SRFBP1: variants seen among roughly 807,000 people sequenced by gnomAD.
The protein encoded by SRFBP1 is serum response factor binding protein 1.
SRFBP1 carries 47 observed loss-of-function variants against 45.5 expected under a neutral mutation model. The ratio of observed to expected loss-of-function variants is 1.03; its 90% CI spans 0.82 to 1.32. SRFBP1 has a LOEUF of 1.32. Ranked by LOEUF, SRFBP1 falls within the 40% of genes most tolerant of loss-of-function variation. The pLI, the probability that SRFBP1 is intolerant of heterozygous loss-of-function variation, is 0.00. For missense variants in SRFBP1, 621 were observed against 484.6 expected (o/e 1.28, Z -2.64); for synonymous variants, 203 against 166.3 (o/e 1.22, Z -1.70).
intron 1 of SRFBP1, among the ~76,000 whole-genome samples, chr5:121,966,725 A>G (rs1752076777): frequency 6.6e-6 from 1 of 152,148 alleles, no homozygotes; most frequent in Admixed American, 6.5e-5. Context: ...TTAATTTCAT[A>G]GGAAGGCCAA....
chr5:121,976,263 G>A (rs1347328494), intron 3 of SRFBP1, among the ~76,000 whole-genome samples: 1 of 151,926 alleles, frequency 6.6e-6, no homozygotes, highest in Non-Finnish European at 1.5e-5. Context: ...ACGACTCTTT[G>A]ATATGAAGTA....
intron 2 of SRFBP1, chr5:122,074,263 G>C (rs1268040201): frequency 4.5e-6 from 5 of 1,103,102 alleles, no homozygotes; most frequent in African/African-American, 1.6e-5. Context: ...TCACAAATTT[G>C]TTTTCACATT....
At chr5:122,002,964 G>C (rs912253380) in intron 4 of SRFBP1, among the ~76,000 whole-genome samples, 1 of 152,106 alleles carries the variant, frequency 6.6e-6, no homozygotes, top group East Asian at 1.9e-4. Context: ...TTTATGGCTA[G>C]AAAAGCTGTC....
chr5:122,062,865 T>G (rs1311980871), intron 2 of SRFBP1, among the ~76,000 whole-genome samples: 4 of 151,342 alleles, frequency 2.6e-5, no homozygotes. Context: ...TAGAATTAGA[T>G]GTGTGTGTGT....
chr5:122,075,423 C>T, exon 3 of SRFBP1: 1 of 1,612,936 alleles, frequency 6.2e-7, no homozygotes, highest in Non-Finnish European at 8.5e-7. Flanking sequence ...CTGTGCCATT[C>T]CCAGGAATAT....
chr5:121,975,317 G>T lies in SRFBP1; in HGVS notation c.128G>T (p.Gly43Val), dbSNP rs750314828. ...RSVGRLKSKK[G>V]TEDALLKNQR... ...ATATCGTAATGTATTTTTTGCAGGG[G>T]TACTGAAGATGCACTGTTAAAAAAC... The change falls in exon 3 of 8, where the codon GGT becomes GTT. Residue 43 changes from glycine (G) to valine (V), a missense_variant and splice_region_variant. By Grantham distance (109) the Gly-to-Val change is moderately radical. Transcript: ENST00000339397. 27 of 1,612,856 alleles carry T rather than the reference G, an allele frequency of 1.7e-5. No homozygotes were observed. Among genetic ancestry groups the T allele is most frequent in the Non-Finnish European group, 2.2e-5 (26 of 1,179,136 alleles).
intron 2 of SRFBP1, among the ~76,000 whole-genome samples, chr5:122,039,778 T>A (rs1386604179): frequency 6.6e-6 from 1 of 152,156 alleles, no homozygotes; most frequent in Non-Finnish European, 1.5e-5. Flanking sequence ...TTTAGGGAGT[T>A]TATCTGTTAC....
chr5:122,060,347 C>G (rs1754151104), intron 2 of SRFBP1, among the ~76,000 whole-genome samples: 1 of 151,944 alleles, frequency 6.6e-6, no homozygotes, highest in Non-Finnish European at 1.5e-5. Flanking sequence ...TGGTAATTTT[C>G]TCATTGGCAA....
In SRFBP1 at chr5:122,020,756, G is replaced by T. The variant is rs1416885032; in HGVS notation, c.1021G>T (p.Glu341Ter). Residue 341 changes from glutamate to a stop codon, truncating the protein, a stop_gained, in exon 6 of 8, where the codon GAA (glutamate) becomes TAA (stop). Coordinates refer to ENST00000339397, the MANE Select transcript of SRFBP1 (RefSeq NM_152546.3). LOFTEE classifies it high-confidence loss of function. ...GCCAAGTACAGAAACCAGAAAGTTA[G>T]AATCAGTGTTTTTCCACTCTTTATC... is the stretch of plus-strand genomic sequence containing the variant. ...IKPSTETRKL[E>*]SVFFHSLSGS... The T allele has an allele frequency of 6.2e-7, 1 of 1,600,044 alleles. No individual in the cohort carries two copies. Among genetic ancestry groups the T allele is most frequent in the Non-Finnish European group, 8.5e-7 (1 of 1,175,846 alleles).
downstream of SRFBP1, among the ~76,000 whole-genome samples, chr5:122,028,892 G>A (rs1162603036): frequency 6.6e-6 from 1 of 152,170 alleles, no homozygotes; most frequent in Non-Finnish European, 1.5e-5. Flanking sequence ...AAAGTTAAGA[G>A]GGAAGAGTTT....
intron 1 of SRFBP1, among the ~76,000 whole-genome samples, chr5:121,970,464 G>C (rs974776722): frequency 6.6e-6 from 1 of 151,418 alleles, no homozygotes; most frequent in African/African-American, 2.4e-5. Context: ...CTTGCTATTA[G>C]TTTATTTTAT....
chr5:122,025,408 G>A (rs1295991997), intron 7 of SRFBP1, among the ~76,000 whole-genome samples: 1 of 152,116 alleles, frequency 6.6e-6, no homozygotes, highest in Admixed American at 6.5e-5. Flanking sequence ...TGTGAATAGT[G>A]CCGCAATAAA....
chr5:122,075,440 C>T lies in SRFBP1; in HGVS notation n.437C>T, dbSNP rs1470075358. The T allele has an allele frequency of 2.5e-6, 4 of 1,613,524 alleles. No individual in the cohort carries two copies. The highest frequency in any genetic ancestry group is 3.3e-5 in the Admixed American group (2 of 59,926). ...GTGCCATTCCCAGGAATATCTTGGT[C>T]GGCTGGGTAAGAAATCTGATGTCCC... is the stretch of plus-strand genomic sequence containing the variant. On this transcript the variant is annotated non_coding_transcript_exon_variant, in exon 3 of 3. Transcript: ENST00000504881.
intron 4 of SRFBP1, among the ~76,000 whole-genome samples, chr5:121,999,976 G>A (rs926629892): frequency 6.6e-6 from 1 of 151,978 alleles, no homozygotes; most frequent in Non-Finnish European, 1.5e-5. Flanking sequence ...CTACCAGTTA[G>A]CAGTTGTTTT....
chr5:122,076,374 TG>T (rs528702178), downstream of SRFBP1, among the ~76,000 whole-genome samples: 34 of 152,290 alleles, frequency 2.2e-4, no homozygotes, highest in South Asian at 6.2e-3. Context: ...TTTAGAATAG[TG>T]GAAAAACAAA....
At chr5:122,007,004 A>AT (rs1752989641) in intron 4 of SRFBP1, among the ~76,000 whole-genome samples, 1 of 151,896 alleles carries the variant, frequency 6.6e-6, no homozygotes, top group Non-Finnish European at 1.5e-5. Context: ...ATTTTTGCAT[A>AT]TTTACAGAAG....
intron 5 of SRFBP1, 133 bp downstream of exon 5, chr5:122,019,474 G>T (rs1753258367): frequency 8.7e-6 from 6 of 686,334 alleles, no homozygotes; most frequent in Non-Finnish European, 4.5e-6. Flanking sequence ...CAGTGTGGAA[G>T]GTGTCTGAAA....
chr5:122,042,223 A>G (rs1165201385), intron 2 of SRFBP1, among the ~76,000 whole-genome samples: 1 of 152,150 alleles, frequency 6.6e-6, no homozygotes, highest in Non-Finnish European at 1.5e-5. Flanking sequence ...CCTGTTATAT[A>G]TGTTATTTGC....
In SRFBP1 at chr5:121,981,979, C is replaced by G. The variant is rs76793946; in HGVS notation, c.198+6592C>G. 5.0e-3 allele frequency among the ~76,000 whole-genome samples: 755 copies of G among 151,104 alleles called. 10 individuals carry two copies. The highest frequency in any genetic ancestry group is 0.017 in the African/African-American group (713 of 41,234). On this transcript the variant is annotated intron_variant, in intron 3 of 7. Transcript: ENST00000339397. ...CTTCTACTGCAATTTTTTTTTTTTA[C>G]ATGTTGGCACGTTTACAGTGTTGAG...
Sources: gnomAD v4.1 joint callset for allele counts (sites outside exome capture counted in the v4.1 genomes callset) on GRCh38, gnomAD v4.1.1 for gene constraint, MANE v1.5 for transcripts, NCBI Gene and HGNC (gene_info 2026-07-23, HGNC 2026-07-21) for gene names.